The following CNTNAP2 variants were observed in gnomAD, a reference collection of about 807,000 sequenced individuals.
CNTNAP2 encodes contactin associated protein 2.
CNTNAP2 carries 98 observed loss-of-function variants against 155.2 expected under a neutral mutation model. The ratio of observed to expected loss-of-function variants is 0.63; its 90% CI spans 0.54 to 0.75. The LOEUF (loss-of-function observed/expected upper bound fraction) is 0.75. Among genes scored for constraint, CNTNAP2 ranks in the 30% least tolerant of loss-of-function variants. The probability of loss-of-function intolerance (pLI) is 0.00; values close to 1 mark genes in which losing one functional copy is unlikely to be tolerated. For missense variants in CNTNAP2, 1,727 were observed against 1,688.1 expected (o/e 1.02, Z -0.40); for synonymous variants, 651 against 631.2 (o/e 1.03, Z -0.47).
At chr7:146,677,777 C>A (rs533934633) in intron 1 of CNTNAP2, among the ~76,000 whole-genome samples, 2 of 151,580 alleles carry the variant, frequency 1.3e-5, no homozygotes, top group African/African-American at 4.9e-5. Context: ...ATTAGCTATA[C>A]GTTGTTCTCT....
intron 12 of CNTNAP2, among the ~76,000 whole-genome samples, chr7:147,614,805 A>G (rs1486648001): frequency 2.0e-5 from 3 of 151,560 alleles, no homozygotes; most frequent in Non-Finnish European, 4.4e-5. Context: ...GGGAATTACA[A>G]TTTATTCCTA....
chr7:146,978,387 A>G (rs1165426104), intron 3 of CNTNAP2, among the ~76,000 whole-genome samples: 2 of 152,098 alleles, frequency 1.3e-5, no homozygotes, highest in African/African-American at 2.4e-5. Flanking sequence ...CAGCCAAAGG[A>G]CTCTTTCAAA....
chr7:147,293,915 A>C (rs1805365120), intron 8 of CNTNAP2, among the ~76,000 whole-genome samples: 2 of 152,242 alleles, frequency 1.3e-5, no homozygotes, highest in Non-Finnish European at 2.9e-5. Flanking sequence ...TAAAAATATA[A>C]AATGAGAAGG....
chr7:147,531,138 G>A (rs1158491340), intron 11 of CNTNAP2, among the ~76,000 whole-genome samples: 3 of 152,150 alleles, frequency 2.0e-5, no homozygotes, highest in African/African-American at 7.2e-5. Flanking sequence ...ACAGGGTACA[G>A]CCTCCTTCCC....
intron 10 of CNTNAP2, among the ~76,000 whole-genome samples, chr7:147,480,026 T>C (rs935119487): frequency 7.2e-5 from 11 of 152,118 alleles, no homozygotes; most frequent in African/African-American, 2.7e-4. Context: ...ATCTAGTTAG[T>C]ATAGAAATAA....
intron 4 of CNTNAP2, among the ~76,000 whole-genome samples, chr7:147,103,387 TAC>T (rs1263315868): frequency 6.6e-6 from 1 of 152,130 alleles, no homozygotes. Context: ...ATGAAAATAA[TAC>T]ACAGATTTGC....
chr7:147,185,437 T>C (rs1275350449), intron 8 of CNTNAP2, among the ~76,000 whole-genome samples: 2 of 152,174 alleles, frequency 1.3e-5, no homozygotes, highest in African/African-American at 4.8e-5. Flanking sequence ...TATGTTCATA[T>C]TAACATTCTC....
At chr7:146,470,790 G>C (rs1034150074) in intron 1 of CNTNAP2, among the ~76,000 whole-genome samples, 1 of 151,928 alleles carries the variant, frequency 6.6e-6, no homozygotes, top group Non-Finnish European at 1.5e-5. Context: ...GGATGGTCTT[G>C]AGCTCCTGAC....
intron 15 of CNTNAP2, among the ~76,000 whole-genome samples, chr7:148,073,141 T>A (rs1174056359): frequency 6.6e-6 from 1 of 152,138 alleles, no homozygotes; most frequent in Non-Finnish European, 1.5e-5. Flanking sequence ...GGGACAAAAT[T>A]GCCCCCAGTT....
At chr7:146,937,250 G>T (rs1796935263) in intron 3 of CNTNAP2, among the ~76,000 whole-genome samples, 1 of 151,528 alleles carries the variant, frequency 6.6e-6, no homozygotes, top group African/African-American at 2.4e-5. Flanking sequence ...ACTTAGCAGG[G>T]TGTGGTGGCA....
chr7:147,771,872 A>T (rs781134458), intron 13 of CNTNAP2, among the ~76,000 whole-genome samples: 1 of 152,150 alleles, frequency 6.6e-6, no homozygotes, highest in African/African-American at 2.4e-5. Flanking sequence ...TTATATCACA[A>T]TATTCTTCTG....
intron 13 of CNTNAP2, among the ~76,000 whole-genome samples, chr7:147,697,056 G>T (rs1796171244): frequency 6.6e-6 from 1 of 152,116 alleles, no homozygotes; most frequent in Non-Finnish European, 1.5e-5. Flanking sequence ...CTGCAATAGT[G>T]ACTGAGAATT....
chr7:148,406,471 T>C (rs534698589), intron 22 of CNTNAP2, among the ~76,000 whole-genome samples: 2 of 152,232 alleles, frequency 1.3e-5, no homozygotes, highest in South Asian at 2.1e-4. Flanking sequence ...CCTCCCATAG[T>C]CCCAACCCAA....
At chr7:147,975,097 C>A (rs59898510) in intron 14 of CNTNAP2, among the ~76,000 whole-genome samples, 1 of 97,254 alleles carries the variant, frequency 1.0e-5, no homozygotes, top group Admixed American at 1.5e-4. Context: ...TTTTGTATTA[C>A]GTATAATACA....
intron 1 of CNTNAP2, among the ~76,000 whole-genome samples, chr7:146,127,445 C>T (rs538336269): frequency 9.2e-5 from 14 of 152,202 alleles, no homozygotes; most frequent in Admixed American, 7.2e-4. Flanking sequence ...CCCATAGTAT[C>T]GACAACAGAA....
intron 1 of CNTNAP2, among the ~76,000 whole-genome samples, chr7:146,370,257 CT>C (rs1256295167): frequency 1.1e-5 from 1 of 90,632 alleles, no homozygotes. Flanking sequence ...CCCATCTCTA[CT>C]TTAAAAAAAA....
intron 1 of CNTNAP2, among the ~76,000 whole-genome samples, chr7:146,583,240 A>G (rs536288347): frequency 6.6e-6 from 1 of 152,254 alleles, no homozygotes; most frequent in Non-Finnish European, 1.5e-5. Flanking sequence ...AATATCCAGG[A>G]GAAATACTGG....
chr7:148,337,742 G>T (rs886968), intron 21 of CNTNAP2, among the ~76,000 whole-genome samples: 49,884 of 151,878 alleles, frequency 0.33, 8,268 homozygotes, highest in East Asian at 0.52. Context: ...GCCATGCAGA[G>T]TATATGCTGT....
chr7:146,930,108 G>C (rs1358647127), intron 3 of CNTNAP2, among the ~76,000 whole-genome samples: 1 of 152,036 alleles, frequency 6.6e-6, no homozygotes, highest in Non-Finnish European at 1.5e-5. Context: ...GATACTCCTC[G>C]AGAAGAGCAA....
Sources: gnomAD v4.1 joint callset for allele counts (sites outside exome capture counted in the v4.1 genomes callset) on GRCh38, gnomAD v4.1.1 for gene constraint, MANE v1.5 for transcripts, NCBI Gene and HGNC (gene_info 2026-07-23, HGNC 2026-07-21) for gene names.